SEC11C: variants seen among roughly 807,000 people sequenced by gnomAD.
SEC11C encodes SEC11 homolog C, signal peptidase complex subunit.
Under a neutral mutation model 21.9 loss-of-function variants are expected in SEC11C, and 10 were observed. The observed-to-expected ratio is 0.46, with a 90% CI of 0.28 to 0.77. The LOEUF is 0.77. Among genes scored for constraint, SEC11C ranks in the 30% least tolerant of loss-of-function variants. SEC11C has a pLI of 0.12. For missense variants in SEC11C, 145 were observed against 244.5 expected (o/e 0.59, Z 2.71); for synonymous variants, 83 against 85.6 (o/e 0.97, Z 0.17).
At chr18:59,149,379 AT>A in intron 1 of SEC11C, 133 bp from the exon 2 acceptor site, 3 of 570,348 alleles carry the variant, frequency 5.3e-6, no homozygotes, top group Non-Finnish European at 9.8e-6. Context: ...ATACTGCAGA[AT>A]TTTGTACCTT....
chr18:59,140,149 G>A (rs1603375879), intron 1 of SEC11C, 114 bp downstream of exon 1: 1 of 905,002 alleles, frequency 1.1e-6, no homozygotes, highest in Non-Finnish European at 1.6e-6. Flanking sequence ...GCGGCCACCC[G>A]AAGCTCCCGC....
chr18:59,141,399 A>G (rs759449289), intron 1 of SEC11C, among the ~76,000 whole-genome samples: 3 of 152,206 alleles, frequency 2.0e-5, no homozygotes, highest in Non-Finnish European at 4.4e-5. Context: ...TTTGTTTAAA[A>G]ATCTAGACTT....
chr18:59,155,517 C>A (rs1461675288), intron 3 of SEC11C, 171 bp from the exon 4 acceptor site: 4 of 556,246 alleles, frequency 7.2e-6, no homozygotes, highest in Non-Finnish European at 1.2e-5. Flanking sequence ...ATTTGTGCTT[C>A]AGTTGAATGG....
At chr18:59,150,202 G>A (rs1010749741) in intron 2 of SEC11C, among the ~76,000 whole-genome samples, 3 of 152,298 alleles carry the variant, frequency 2.0e-5, no homozygotes, top group African/African-American at 4.8e-5. Flanking sequence ...TCAAATGGCC[G>A]TGTTTGGGAA....
chr18:59,143,333 A>C (rs1440989383), intron 1 of SEC11C, among the ~76,000 whole-genome samples: 31 of 136,314 alleles, frequency 2.3e-4, no homozygotes, highest in Non-Finnish European at 4.6e-4. Context: ...AGTTTGGGCA[A>C]CAGAGTGAGA....
chr18:59,151,210 A>G (rs917205268), intron 2 of SEC11C, among the ~76,000 whole-genome samples: 1 of 152,176 alleles, frequency 6.6e-6, no homozygotes, highest in Non-Finnish European at 1.5e-5. Context: ...TCCTAGCTGC[A>G]GTTCCCTTAA....
chr18:59,149,609 G>A lies in SEC11C; in HGVS notation c.184G>A (p.Val62Met). The A allele has an allele frequency of 2.5e-6, 4 of 1,609,518 alleles. No homozygotes were observed. Among genetic ancestry groups the A allele is most frequent in the South Asian group, 2.2e-5 (2 of 90,834 alleles). Residue 62 changes from valine (V) to methionine (M), a missense_variant, in exon 2 of 6, where the codon GTG (valine) becomes ATG (methionine). By Grantham distance (21) the Val-to-Met change is conservative (BLOSUM62 1). Transcript: ENST00000587834. ...GCTCACAGGCAGTGAGAGCCCCATC[G>A]TGGTGGTGCTGAGGTAGGTCCCCCA... ...IVLTGSESPIVVVLSGSMEPA... is the reference protein window; with the variant it reads ...IVLTGSESPIMVVLSGSMEPA...
intron 3 of SEC11C, among the ~76,000 whole-genome samples, chr18:59,154,892 C>T (rs2069402381): frequency 6.6e-6 from 1 of 152,078 alleles, no homozygotes; most frequent in South Asian, 2.1e-4. Flanking sequence ...GTGGTGAAAC[C>T]CCATCTCTAC....
intron 1 of SEC11C, among the ~76,000 whole-genome samples, chr18:59,146,602 G>A (rs1207055404): frequency 6.6e-6 from 1 of 151,884 alleles, no homozygotes; most frequent in Non-Finnish European, 1.5e-5. Flanking sequence ...GGTAAGGTGA[G>A]GGCCGACAGT....
At chr18:59,158,058 A>G (rs34018444) in intron 5 of SEC11C, among the ~76,000 whole-genome samples, 36,423 of 151,748 alleles carry the variant, frequency 0.24, 4,822 homozygotes, top group South Asian at 0.32. Context: ...ACATATGTGT[A>G]TATATATATA....
chr18:59,155,317 T>C (rs1011491425), intron 3 of SEC11C, among the ~76,000 whole-genome samples: 1 of 152,250 alleles, frequency 6.6e-6, no homozygotes, highest in Non-Finnish European at 1.5e-5. Flanking sequence ...ATGACACTAA[T>C]ACACTTGTTT....
chr18:59,152,748 T>C, intron 3 of SEC11C, 63 bp downstream of exon 3: 1 of 1,376,662 alleles, frequency 7.3e-7, no homozygotes, highest in Non-Finnish European at 9.9e-7. Context: ...CATGGCTAAT[T>C]AGAAACTAGT....
intron 1 of SEC11C, among the ~76,000 whole-genome samples, chr18:59,145,285 T>C (rs62095622): frequency 1.3e-5 from 2 of 152,032 alleles, no homozygotes; most frequent in Admixed American, 6.5e-5. Flanking sequence ...TCCCGCTACA[T>C]TGGCAGGGCT....
intron 1 of SEC11C, among the ~76,000 whole-genome samples, chr18:59,144,348 T>G (rs2069246010): frequency 1.3e-5 from 2 of 152,122 alleles, no homozygotes; most frequent in African/African-American, 4.8e-5. Flanking sequence ...TTCAGAATGG[T>G]TTATCAATTT....
Position 59,149,538 on chromosome 18 carries a change from C to T in SEC11C, c.113C>T (p.Ala38Val). The T allele has an allele frequency of 1.2e-6, 2 of 1,610,746 alleles. No individual in the cohort carries two copies. The highest frequency in any genetic ancestry group is 8.5e-7 in the Non-Finnish European group (1 of 1,177,248). Residue 38 changes from alanine to valine, a missense_variant, in exon 2 of 6, where the codon GCC becomes GTC. Ala to Val is a moderately conservative substitution (Grantham distance 64). Transcript: ENST00000587834. Reference protein sequence around the residue: ...RQLYYQVLNFAMIVSSALMIW... With the variant: ...RQLYYQVLNFVMIVSSALMIW... The stretch of plus-strand genomic sequence containing the variant: ...CTCTATTACCAGGTTTTAAACTTCG[C>T]CATGATCGTGTCTTCTGCACTCATG...
intron 1 of SEC11C, chr18:59,147,441 T>G (rs909803808): frequency 3.9e-5 from 6 of 151,992 alleles, no homozygotes; most frequent in African/African-American, 1.5e-4. Flanking sequence ...AAAACTATAT[T>G]AATAGCAAGG....
chr18:59,149,488 C>A, intron 1 of SEC11C, 25 bp from the exon 2 acceptor site: 1 of 1,479,026 alleles, frequency 6.8e-7, no homozygotes, highest in South Asian at 1.2e-5. Context: ...TGGTTTTCAT[C>A]GTGGTTTCCT....
chr18:59,158,505 T>C, intron 5 of SEC11C, 127 bp from the exon 6 acceptor site: 4 of 742,216 alleles, frequency 5.4e-6, no homozygotes, highest in South Asian at 5.2e-5. Flanking sequence ...GAACAAGCCA[T>C]GGGGGGAAGA....
chr18:59,139,956 G>T lies in SEC11C; in HGVS notation c.8G>T (p.Arg3Leu), dbSNP rs748505559. Reference protein sequence around the residue: MVRAGAVGAHLPA... With the variant: MVLAGAVGAHLPA... ...GTCCCCGGAGACCCTGCTATGGTGCGTGCGGGCGCCGTGGGGGCTCATCTC... is the reference window on the plus strand; with the variant it reads ...GTCCCCGGAGACCCTGCTATGGTGCTTGCGGGCGCCGTGGGGGCTCATCTC... Residue 3 changes from arginine (R) to leucine (L), a missense_variant, in exon 1 of 6, where the codon CGT (arginine) becomes CTT (leucine). Transcript: ENST00000587834. 3.8e-6 allele frequency: 6 copies of T among 1,586,232 alleles called. No homozygotes were observed. The highest frequency in any genetic ancestry group is 1.7e-5 in the Admixed American group (1 of 58,190).
Sources: allele counts gnomAD v4.1 joint callset (sites outside exome capture counted in the v4.1 genomes callset), GRCh38; gene constraint gnomAD v4.1.1; transcripts MANE v1.5; gene names NCBI Gene and HGNC (gene_info 2026-07-23, HGNC 2026-07-21).